COX10: variants seen among roughly 807,000 people sequenced by gnomAD.
The protein encoded by COX10 is protoheme IX farnesyltransferase, mitochondrial.
A neutral mutation model predicts 37.3 loss-of-function variants in COX10; 27 were observed. That is an observed-to-expected ratio of 0.72 (90% CI 0.53 to 1.00). The LOEUF (loss-of-function observed/expected upper bound fraction) is 1.00. COX10 is among the 50% of genes least tolerant of loss of function. The probability of loss-of-function intolerance (pLI) is 0.00; values close to 1 mark genes in which losing one functional copy is unlikely to be tolerated. For missense variants in COX10, 475 were observed against 563.2 expected (o/e 0.84, Z 1.59); for synonymous variants, 222 against 229.1 (o/e 0.97, Z 0.28).
At chr17:14,121,927 C>T (rs890325157) in intron 4 of COX10, among the ~76,000 whole-genome samples, 5 of 152,028 alleles carry the variant, frequency 3.3e-5, no homozygotes, top group South Asian at 2.1e-4. Flanking sequence ...GAAGCATACA[C>T]ATGTGCATGT....
intron 4 of COX10, among the ~76,000 whole-genome samples, chr17:14,109,337 T>C (rs559596275): frequency 5.3e-5 from 8 of 152,336 alleles, no homozygotes; most frequent in African/African-American, 1.7e-4. Flanking sequence ...AAATAATTTC[T>C]AAATTACATT....
At chr17:14,123,497 G>A (rs1341056412) in intron 4 of COX10, among the ~76,000 whole-genome samples, 2 of 152,066 alleles carry the variant, frequency 1.3e-5, no homozygotes, top group Non-Finnish European at 2.9e-5. Context: ...TTTTTTTCCA[G>A]CGTAGATAAA....
chr17:14,150,055 T>C (rs1048816019), intron 4 of COX10, among the ~76,000 whole-genome samples: 1 of 152,046 alleles, frequency 6.6e-6, no homozygotes, highest in Non-Finnish European at 1.5e-5. Flanking sequence ...GTGGATCACT[T>C]GAGGCCAAGA....
intron 5 of COX10, chr17:14,179,379 T>C (rs1429623051): frequency 1.6e-5 from 3 of 186,970 alleles, no homozygotes. Flanking sequence ...TTTTAAATAT[T>C]TTAGAATCAA....
chr17:14,198,907 G>A (rs1203476212), intron 6 of COX10, among the ~76,000 whole-genome samples: 1 of 152,134 alleles, frequency 6.6e-6, no homozygotes, highest in Non-Finnish European at 1.5e-5. Context: ...CTTTGTATAA[G>A]ATTTTACCAT....
At chr17:14,118,543 G>A (rs74863322) in intron 4 of COX10, among the ~76,000 whole-genome samples, 9,408 of 152,198 alleles carry the variant, frequency 0.062, 363 homozygotes, top group Middle Eastern at 0.092. Flanking sequence ...GTAACCAAAT[G>A]TATTTCTTAG....
At chr17:14,157,469 A>G (rs990299994) in intron 4 of COX10, among the ~76,000 whole-genome samples, 2 of 152,264 alleles carry the variant, frequency 1.3e-5, no homozygotes, top group Non-Finnish European at 2.9e-5. Flanking sequence ...GAATAATTGC[A>G]CACATATGCA....
At chr17:14,102,708 A>G (rs912248988) in intron 4 of COX10, among the ~76,000 whole-genome samples, 4 of 152,186 alleles carry the variant, frequency 2.6e-5, no homozygotes, top group Non-Finnish European at 5.9e-5. Context: ...AACTTGGTAT[A>G]TGGAATACGG....
chr17:14,096,414 GC>G (rs2142196213), intron 3 of COX10, among the ~76,000 whole-genome samples: 1 of 102,710 alleles, frequency 9.7e-6, no homozygotes, highest in African/African-American at 3.9e-5. Flanking sequence ...TTGCTCTGTT[GC>G]CCAGGCTGGA....
At chr17:14,124,132 C>T (rs897357576) in intron 4 of COX10, among the ~76,000 whole-genome samples, 3 of 152,124 alleles carry the variant, frequency 2.0e-5, no homozygotes, top group South Asian at 2.1e-4. Flanking sequence ...GTTTTCTGCT[C>T]GGTTCAGCTA....
chr17:14,168,569 C>G (rs1905358920), intron 5 of COX10, among the ~76,000 whole-genome samples: 1 of 152,242 alleles, frequency 6.6e-6, no homozygotes, highest in Admixed American at 6.5e-5. Context: ...CATTTCCATA[C>G]TCTGAAATCT....
intron 1 of COX10, among the ~76,000 whole-genome samples, chr17:14,073,342 A>T (rs903223252): frequency 6.6e-6 from 1 of 152,318 alleles, no homozygotes; most frequent in African/African-American, 2.4e-5. Flanking sequence ...TGATAACAGG[A>T]GAGTTCAGGA....
intron 3 of COX10, among the ~76,000 whole-genome samples, chr17:14,090,623 G>T (rs1490103803): frequency 6.6e-6 from 1 of 152,076 alleles, no homozygotes; most frequent in Non-Finnish European, 1.5e-5. Context: ...CTCAGCCTGT[G>T]GATTTTGTGC....
intron 4 of COX10, 113 bp downstream of exon 4, chr17:14,102,355 A>C: frequency 6.8e-7 from 1 of 1,471,090 alleles, no homozygotes. Context: ...AAGCATTTGT[A>C]ACACTATATA....
rs545707 is a variant in COX10 at position 14,186,652 on chromosome 17, C to T, written c.696-5337C>T. The stretch of plus-strand genomic sequence containing the variant: ...CTCACCACATTATATACAGTTGTTT[C>T]GATTTCAGGGAATGCAGTATTAGGC... On this transcript the variant is annotated intron_variant, in intron 5 of 6. Transcript: ENST00000261643. Among the ~76,000 whole-genome samples, 846 of 144,650 alleles carry T rather than the reference C, an allele frequency of 5.8e-3. 3 individuals carry two copies. The highest frequency in any genetic ancestry group is 0.011 in the African/African-American group (432 of 38,456). The allele number at this position is 144,650 out of a possible 152,430, so 94.9% of individuals were successfully genotyped here. A position where few individuals can be genotyped will look rare whatever the true frequency, so the allele number is the denominator to read the frequency against.
In COX10 at chr17:14,207,263, G is replaced by A. The variant is rs1265153023; in HGVS notation, c.*50G>A. 6 of 1,498,420 alleles carry A rather than the reference G, an allele frequency of 4.0e-6. No homozygotes were observed. In the African/African-American group the frequency reaches 7.0e-5, roughly 17 times the overall value. The allele number at this position is 1,498,420 out of a possible 1,614,324, so 92.8% of individuals were successfully genotyped here. ...TTTCCCTCCGCTGCCAGGCGAGCATGTTGTGGTAATTCTGGAACACAAGAA... is the reference window on the plus strand; with the variant it reads ...TTTCCCTCCGCTGCCAGGCGAGCATATTGTGGTAATTCTGGAACACAAGAA... On this transcript the variant is annotated 3_prime_UTR_variant, in exon 7 of 7. Transcript: ENST00000261643.
chr17:14,114,070 T>A (rs1052144985), intron 4 of COX10, among the ~76,000 whole-genome samples: 12 of 152,188 alleles, frequency 7.9e-5, no homozygotes, highest in Non-Finnish European at 1.8e-4. Flanking sequence ...CACCAGATCC[T>A]AAAGTTAATT....
intron 4 of COX10, among the ~76,000 whole-genome samples, chr17:14,121,444 A>G (rs948254572): frequency 3.3e-5 from 5 of 152,324 alleles, no homozygotes; most frequent in Middle Eastern, 3.4e-3. Flanking sequence ...AGTGACAATG[A>G]AAATATCATG....
At chr17:14,153,955 A>G (rs890103698) in intron 4 of COX10, among the ~76,000 whole-genome samples, 4 of 152,362 alleles carry the variant, frequency 2.6e-5, no homozygotes, top group Middle Eastern at 3.4e-3. Context: ...ATAAAAAGGA[A>G]TGAACTATTG....
Sources: gnomAD v4.1 joint callset for allele counts (sites outside exome capture counted in the v4.1 genomes callset) on GRCh38, gnomAD v4.1.1 for gene constraint, MANE v1.5 for transcripts, NCBI Gene and HGNC (gene_info 2026-07-23, HGNC 2026-07-21) for gene names.